CEP250: variants seen among roughly 807,000 people sequenced by gnomAD.
CEP250 encodes centrosome-associated protein CEP250.
In CEP250, 242 loss-of-function variants were observed where a neutral mutation model predicts 315.7. The observed-to-expected ratio is 0.77, with a 90% CI of 0.69 to 0.85. CEP250 has a LOEUF of 0.85. Ranked by LOEUF, CEP250 falls within the 40% of genes least tolerant of loss-of-function variation. The pLI is 0.00. For missense variants in CEP250, 2,515 were observed against 2,886.4 expected, an observed-to-expected ratio of 0.87 and a Z score of 2.95; for synonymous variants, 1,088 against 1,175.0, an observed-to-expected ratio of 0.93 and a Z score of 1.51.
intron 32 of CEP250, among the ~76,000 whole-genome samples, chr20:35,508,564 C>T (rs2064263084): frequency 1.3e-5 from 2 of 152,214 alleles, no homozygotes; most frequent in South Asian, 2.1e-4. Flanking sequence ...CCGCCTGCCT[C>T]AGCTTTCCAA....
intron 8 of CEP250, 76 bp from the exon 9 acceptor site, chr20:35,467,227 AG>A (rs1243666073): frequency 1.6e-5 from 25 of 1,535,212 alleles, no homozygotes; most frequent in Non-Finnish European, 2.0e-5. Context: ...CCTGCTCCTC[AG>A]GCTTCACTGG....
Position 35,467,680 on chromosome 20 carries a change from A to G in CEP250, c.851+125A>G, listed in dbSNP as rs1002062933. ...CATGGAGGGGGAGAAGATGTGCCCAAGGAAATCTACTTTGAAACCTGATGC... is the reference window on the plus strand; with the variant it reads ...CATGGAGGGGGAGAAGATGTGCCCAGGGAAATCTACTTTGAAACCTGATGC... On this transcript the variant is annotated intron_variant, in intron 9 of 34. Coordinates refer to ENST00000397527, the MANE Select transcript of CEP250 (RefSeq NM_007186.6). The G allele has an allele frequency of 3.5e-6, 4 of 1,139,002 alleles. No homozygotes were observed. In the African/African-American group the frequency reaches 4.6e-5, roughly 13 times the overall value. 70.6% of individuals were successfully genotyped at this position (1,139,002 alleles called of 1,614,324 possible).
chr20:35,488,589 A>C (rs1252005413), intron 20 of CEP250, among the ~76,000 whole-genome samples: 1 of 151,930 alleles, frequency 6.6e-6, no homozygotes, highest in Non-Finnish European at 1.5e-5. Flanking sequence ...TCAGCCTCCC[A>C]AGTAGCTGGG....
At chr20:35,500,511 C>G (rs1034816657) in intron 28 of CEP250, among the ~76,000 whole-genome samples, 6 of 152,292 alleles carry the variant, frequency 3.9e-5, no homozygotes, top group Non-Finnish European at 8.8e-5. Flanking sequence ...GAAGGGACCT[C>G]CAGTGTCATC....
Position 35,518,955 on chromosome 20 carries a change from C to T in CEP250, c.*7329C>T, listed in dbSNP as rs1469482679. ...GGCTGAGGCAGGAGAATTGCTTGAA[C>T]CCAGGAGGCAGAGGTTGCAGTGAGC... On this transcript the variant is annotated 3_prime_UTR_variant, in exon 35 of 35. Coordinates refer to ENST00000397527, the MANE Select transcript of CEP250 (RefSeq NM_007186.6). The T allele has an allele frequency of 6.6e-6, 1 of 151,886 alleles. No individual in the cohort carries two copies. The highest frequency in any genetic ancestry group is 1.5e-5 in the Non-Finnish European group (1 of 68,020). 9.4% of individuals were successfully genotyped at this position (151,886 alleles called of 1,614,324 possible). A position where few individuals can be genotyped will look rare whatever the true frequency, so the allele number is the denominator to read the frequency against.
At chr20:35,466,320 T>G in intron 7 of CEP250, 116 bp downstream of exon 7, 4 of 1,264,066 alleles carry the variant, frequency 3.2e-6, no homozygotes, top group Non-Finnish European at 4.3e-6. Context: ...GCTGTTGCTG[T>G]TAAAGTCCCT....
chr20:35,489,202 A>AAAAG (rs2063612579), intron 20 of CEP250, among the ~76,000 whole-genome samples: 2 of 151,290 alleles, frequency 1.3e-5, no homozygotes, highest in African/African-American at 2.4e-5. Flanking sequence ...AAAAAAAAAA[A>AAAAG]GTGCTTAGTG....
chr20:35,460,496 G>A (rs1273931960), intron 3 of CEP250, among the ~76,000 whole-genome samples: 1 of 152,202 alleles, frequency 6.6e-6, no homozygotes, highest in Non-Finnish European at 1.5e-5. Context: ...TCTAAAGGGG[G>A]CAGGCACTAT....
chr20:35,478,157 A>G (rs2063227665), intron 17 of CEP250, 56 bp downstream of exon 17: 1 of 1,164,272 alleles, frequency 8.6e-7, no homozygotes, highest in Non-Finnish European at 1.2e-6. Flanking sequence ...CTCATTATAA[A>G]AAATTAAAAC....
rs1788197094 is a variant in CEP250 at position 35,518,544 on chromosome 20, T to C, written c.*6918T>C. On this transcript the variant is annotated 3_prime_UTR_variant, in exon 35 of 35. Coordinates refer to ENST00000397527, the MANE Select transcript of CEP250 (RefSeq NM_007186.6). ...AATTACCAATTTTCAGAGTAAGGGG[T>C]TGAGGTAATAGCCACCGCCAGTTTT... 1 of 152,028 alleles carries C rather than the reference T, an allele frequency of 6.6e-6. No homozygotes were observed. The allele number at this position is 152,028 out of a possible 1,614,324, so 9.4% of individuals were successfully genotyped here.
In CEP250 at chr20:35,512,956, G is replaced by A. The variant is rs1358264811; in HGVS notation, c.*1330G>A. On this transcript the variant is annotated 3_prime_UTR_variant, in exon 35 of 35. Transcript: ENST00000397527. ...TTACTAAGCCTGGGGATGGAACTGA[G>A]ACCTAGCCAAGAATCTGGGAGGGGT... The A allele has an allele frequency of 6.6e-6, 1 of 152,270 alleles. No homozygotes were observed. The highest frequency in any genetic ancestry group is 1.5e-5 in the Non-Finnish European group (1 of 68,108). The allele number at this position is 152,270 out of a possible 1,614,324, so 9.4% of individuals were successfully genotyped here.
At chr20:35,482,227 A>AT (rs1427245093) in intron 20 of CEP250, among the ~76,000 whole-genome samples, 1 of 137,126 alleles carries the variant, frequency 7.3e-6, no homozygotes, top group African/African-American at 2.9e-5. Context: ...GTTTATTATT[A>AT]TTTTTTTGTT....
Position 35,508,067 on chromosome 20 carries a change from T to C in CEP250, c.6783T>C (p.Asp2261=). ...GAGTGGAGGCTGAGCCTAGTCCTGA[T>C]GGAATGGAGAAGCAGTCATGGAGAC... ...VSGVEAEPSP[D]GMEKQSWRQR... is the part of the protein sequence containing the mutation. The change falls in exon 32 of 35, where the codon GAT becomes GAC. Residue 2261 remains aspartate, a synonymous_variant. Transcript: ENST00000397527. The C allele has an allele frequency of 5.6e-6, 9 of 1,614,064 alleles. No individual in the cohort carries two copies. The highest frequency in any genetic ancestry group is 7.6e-6 in the Non-Finnish European group (9 of 1,180,000).
intron 3 of CEP250, among the ~76,000 whole-genome samples, chr20:35,461,357 G>A (rs2062750906): frequency 6.6e-6 from 1 of 151,750 alleles, no homozygotes; most frequent in Non-Finnish European, 1.5e-5. Flanking sequence ...TGAGGTCACA[G>A]AGCCCATTGG....
rs1303416855 is a variant in CEP250, at chr20:35,503,473, C to CA, written c.5105dup (p.Arg1703GlufsTer16). On this transcript the variant is annotated frameshift_variant, in exon 30 of 35. Coordinates refer to ENST00000397527, the MANE Select transcript of CEP250 (RefSeq NM_007186.6). LOFTEE classifies it high-confidence loss of function. The surrounding 1 kb of genome is among the most constrained non-coding windows in gnomAD (Gnocchi z 4.2). ...AGAGCGAGGCCGGGAGCTGACCACT[C>CA]AGAGGCAGCTGATGCAGGAACGGGC... 4 of 1,614,014 alleles carry CA rather than the reference C, an allele frequency of 2.5e-6. No homozygotes were observed. The highest frequency in any genetic ancestry group is 2.7e-5 in the African/African-American group (2 of 74,906).
Position 35,518,740 on chromosome 20 carries a change from CA to C in CEP250, c.*7119del, listed in dbSNP as rs1228932201. On this transcript the variant is annotated 3_prime_UTR_variant, in exon 35 of 35. Coordinates refer to ENST00000397527, the MANE Select transcript of CEP250 (RefSeq NM_007186.6). ...TAGTGAAGAAAAAGTATTTAGAAGA[CA>C]AAAATCAGGCTGAGTGCAGTGGCTC... is the stretch of plus-strand genomic sequence containing the variant. 6.6e-6 allele frequency: 1 copy of C among 152,082 alleles called. No individual in the cohort carries two copies. The highest frequency in any genetic ancestry group is 1.5e-5 in the Non-Finnish European group (1 of 68,020). The allele number at this position is 152,082 out of a possible 1,614,324, so 9.4% of individuals were successfully genotyped here. A position where few individuals can be genotyped will look rare whatever the true frequency, so the allele number is the denominator to read the frequency against.
chr20:35,511,796 C>G lies in CEP250; in HGVS notation c.*170C>G. 1 of 1,414,018 alleles carries G rather than the reference C, an allele frequency of 7.1e-7. No individual in the cohort carries two copies. Among genetic ancestry groups the G allele is most frequent in the Non-Finnish European group, 9.2e-7 (1 of 1,088,152 alleles). 87.6% of individuals were successfully genotyped at this position (1,414,018 alleles called of 1,614,324 possible). A position where few individuals can be genotyped will look rare whatever the true frequency, so the allele number is the denominator to read the frequency against. ...TAAATCTGCAACCCTGGGGAGGACC[C>G]CAACTCACCTGGGAATGAGGCAAAT... On this transcript the variant is annotated 3_prime_UTR_variant, in exon 35 of 35. Transcript: ENST00000397527.
intron 14 of CEP250, among the ~76,000 whole-genome samples, chr20:35,475,022 G>A (rs1405402902): frequency 6.6e-6 from 1 of 152,106 alleles, no homozygotes; most frequent in Non-Finnish European, 1.5e-5. Flanking sequence ...CCAAGGAGAA[G>A]GGCAGACAAC....
rs554606600 is a variant in CEP250 at position 35,497,942 on chromosome 20, A to C, written c.3530A>C (p.Gln1177Pro). 5.0e-6 allele frequency: 8 copies of C among 1,612,028 alleles called. No individual in the cohort carries two copies. The highest frequency in any genetic ancestry group is 2.2e-5 in the East Asian group (1 of 44,830). ...GAGCAGCAGCCCGGGAACCAGGCCC[A>C]GGCCCAGGCCCAGCTGGCCAGCCTC... ...AAEQQPGNQA[Q>P]AQAQLASLYS... Residue 1177 changes from glutamine (Q) to proline (P), a missense_variant, in exon 26 of 35, where the codon CAG (glutamine) becomes CCG (proline). By Grantham distance (76) the Gln-to-Pro change is moderately conservative (BLOSUM62 -1). Coordinates refer to ENST00000397527, the MANE Select transcript of CEP250 (RefSeq NM_007186.6).
Sources: allele counts gnomAD v4.1 joint callset (sites outside exome capture counted in the v4.1 genomes callset), GRCh38; gene constraint gnomAD v4.1.1; non-coding constraint Gnocchi (gnomAD v3.1); transcripts MANE v1.5; gene names NCBI Gene and HGNC (gene_info 2026-07-23, HGNC 2026-07-21).